The following KDM6A variants were observed in gnomAD, a reference collection of about 807,000 sequenced individuals.
The protein encoded by KDM6A is lysine demethylase 6A.
In KDM6A, 11 loss-of-function variants were observed where a neutral mutation model predicts 117.6. That is an observed-to-expected ratio of 0.09 (90% CI 0.06 to 0.15). The LOEUF is 0.15. KDM6A is among the 10% of genes least tolerant of loss of function. The pLI, the probability that KDM6A is intolerant of heterozygous loss-of-function variation, is 1.00. For missense variants in KDM6A, 799 were observed against 1,077.3 expected, an observed-to-expected ratio of 0.74 and a Z score of 3.62; for synonymous variants, 384 against 396.1, an observed-to-expected ratio of 0.97 and a Z score of 0.36.
chrX:44,973,893 C>G (rs1186412113), intron 3 of KDM6A, among the ~76,000 whole-genome samples: 1 of 111,168 alleles, frequency 9.0e-6, no homozygotes, highest in Non-Finnish European at 1.9e-5. Flanking sequence ...TTCTCCTGCA[C>G]ACACCCCCTT....
At chrX:45,056,996 A>G (rs760862696) in intron 10 of KDM6A, among the ~76,000 whole-genome samples, 14 of 111,423 alleles carry the variant, frequency 1.3e-4, no homozygotes, top group Non-Finnish European at 1.7e-4. Flanking sequence ...TTTCCTTCAT[A>G]AAACAGTTTG....
intron 8 of KDM6A, among the ~76,000 whole-genome samples, chrX:45,040,708 T>C (rs1380608788): frequency 6.6e-5 from 4 of 60,153 alleles, no homozygotes; most frequent in Admixed American, 1.7e-4. Context: ...ACGGGGCGGC[T>C]GGACGGGCGG....
rs777859121 is a variant in KDM6A, at chrX:44,979,703, G to C, written c.384+4988G>C. 1.5e-4 allele frequency among the ~76,000 whole-genome samples: 17 copies of C among 110,770 alleles called. No individual in the cohort carries two copies. In the South Asian group the frequency reaches 4.5e-3, roughly 30 times the overall value. On this transcript the variant is annotated intron_variant, in intron 4 of 29. Coordinates refer to ENST00000611820, the MANE Select transcript of KDM6A (RefSeq NM_001291415.2). ...CACCTTTTAAATTCTGTTTTGGCCT[G>C]TGATACATTTCAAGTTGTTTATGAT...
At chrX:45,010,151 A>G (rs1474127880) in intron 4 of KDM6A, among the ~76,000 whole-genome samples, 1 of 110,553 alleles carries the variant, frequency 9.0e-6, no homozygotes, top group Non-Finnish European at 1.9e-5. Context: ...TATACTGGGT[A>G]CTCAAACATT....
chrX:44,885,192 AT>A (rs368044228), intron 2 of KDM6A, among the ~76,000 whole-genome samples: 4,509 of 100,029 alleles, frequency 0.045, 290 homozygotes, highest in African/African-American at 0.15. Flanking sequence ...CGTGCAGCTA[AT>A]TTTTTTTTTT....
intron 4 of KDM6A, among the ~76,000 whole-genome samples, chrX:44,979,702 T>A (rs1308867084): frequency 9.0e-6 from 1 of 111,229 alleles, no homozygotes; most frequent in Non-Finnish European, 1.9e-5. Flanking sequence ...TGTTTTGGCC[T>A]GTGATACATT....
At chrX:44,998,463 A>G (rs893792172) in intron 4 of KDM6A, among the ~76,000 whole-genome samples, 2 of 112,134 alleles carry the variant, frequency 1.8e-5, no homozygotes, top group African/African-American at 6.5e-5. Flanking sequence ...TATTCATGGT[A>G]TATGTAACAG....
At position 45,083,476 on chromosome X, in the gene KDM6A, C is replaced by T. The variant is rs2148151080; in HGVS notation, c.3457C>T (p.His1153Tyr). The T allele has an allele frequency of 8.3e-7, 1 of 1,209,803 alleles. No homozygotes were observed. The highest frequency in any genetic ancestry group is 1.8e-5 in the South Asian group (1 of 56,903). ...TTATTGCAGGTGGAAGTTGCAGCTACATGAGCTGACTAAACTTCCTGCTTT... is the reference window on the plus strand; with the variant it reads ...TTATTGCAGGTGGAAGTTGCAGCTATATGAGCTGACTAAACTTCCTGCTTT... ...SDDKKWKLQL[H>Y]ELTKLPAFVR... The change falls in exon 24 of 30, where the codon CAT becomes TAT. Residue 1153 changes from histidine (H) to tyrosine (Y), a missense_variant. Transcript: ENST00000611820.
At chrX:45,006,929 CAA>C (rs1208370380) in intron 4 of KDM6A, among the ~76,000 whole-genome samples, 1 of 101,076 alleles carries the variant, frequency 9.9e-6, no homozygotes, top group Non-Finnish European at 2.0e-5. Flanking sequence ...GACTCTATCT[CAA>C]AAAAAAAAAG....
chrX:45,090,200 A>G (rs1464255072), intron 26 of KDM6A, among the ~76,000 whole-genome samples: 2 of 111,632 alleles, frequency 1.8e-5, no homozygotes, highest in African/African-American at 6.5e-5. Flanking sequence ...TTTTAAAAAA[A>G]CCCTTATGAG....
chrX:45,024,862 G>C lies in KDM6A; in HGVS notation c.564+4132G>C, dbSNP rs1313828598. Among the ~76,000 whole-genome samples, 3 of 111,385 alleles carry C rather than the reference G, an allele frequency of 2.7e-5. No homozygotes were observed. In the East Asian group the frequency reaches 8.4e-4, roughly 31 times the overall value. ...CATAGATACTGTTGGAGAAATAAAT[G>C]TTCCTGTCTTAGAACTTAATCCTTG... On this transcript the variant is annotated intron_variant, in intron 6 of 29. Coordinates refer to ENST00000611820, the MANE Select transcript of KDM6A (RefSeq NM_001291415.2).
At chrX:44,969,973 T>C (rs1469180963) in intron 3 of KDM6A, among the ~76,000 whole-genome samples, 2 of 112,368 alleles carry the variant, frequency 1.8e-5, no homozygotes, top group Non-Finnish European at 3.8e-5. Context: ...AATTTTTTTA[T>C]GGATAACTAC....
chrX:45,071,806 G>A (rs945195263), intron 18 of KDM6A, among the ~76,000 whole-genome samples: 4 of 100,268 alleles, frequency 4.0e-5, no homozygotes, highest in Non-Finnish European at 8.3e-5. Flanking sequence ...TTTCGCTCTT[G>A]TTGCCCAGGC....
chrX:44,925,698 A>C (rs1258593371), intron 2 of KDM6A, among the ~76,000 whole-genome samples: 1 of 111,491 alleles, frequency 9.0e-6, no homozygotes, highest in East Asian at 2.8e-4. Context: ...ATCAAGTGCC[A>C]CATAGAATAA....
intron 9 of KDM6A, 77 bp from the exon 10 acceptor site, chrX:45,053,752 G>T (rs994538073): frequency 2.0e-5 from 17 of 862,519 alleles, no homozygotes; most frequent in Admixed American, 1.7e-4. Context: ...TTTTTGGTTT[G>T]TTTTCTGCTT....
intron 2 of KDM6A, among the ~76,000 whole-genome samples, chrX:44,926,353 G>A (rs1311824781): frequency 9.0e-6 from 1 of 111,109 alleles, no homozygotes; most frequent in African/African-American, 3.3e-5. Flanking sequence ...GGTTGATTGC[G>A]GGTGTGAACC....
At chrX:45,094,886 G>A (rs2046043163) in intron 27 of KDM6A, among the ~76,000 whole-genome samples, 1 of 111,390 alleles carries the variant, frequency 9.0e-6, no homozygotes, top group Non-Finnish European at 1.9e-5. Context: ...GTGATGAGTA[G>A]TAAAATAAGA....
At chrX:44,885,597 G>A (rs1392593611) in intron 2 of KDM6A, among the ~76,000 whole-genome samples, 2 of 110,578 alleles carry the variant, frequency 1.8e-5, no homozygotes, top group Non-Finnish European at 3.8e-5. Flanking sequence ...CTGGCTGGGC[G>A]TGGTGGCTCA....
chrX:45,036,292 AGT>A (rs2042811953), intron 7 of KDM6A, among the ~76,000 whole-genome samples: 3 of 111,601 alleles, frequency 2.7e-5, no homozygotes, highest in African/African-American at 9.8e-5. Flanking sequence ...AAGTAGTCTT[AGT>A]CTTTAGAAAT....
Sources: allele counts gnomAD v4.1 joint callset (sites outside exome capture counted in the v4.1 genomes callset), GRCh38; gene constraint gnomAD v4.1.1; transcripts MANE v1.5; gene names NCBI Gene and HGNC (gene_info 2026-07-23, HGNC 2026-07-21).